Variants in KIAA1328 observed in about 807,000 individuals in gnomAD.
The protein encoded by KIAA1328 is protein hinderin.
A neutral mutation model predicts 68.1 loss-of-function variants in KIAA1328; 52 were observed. That is an observed-to-expected ratio of 0.76 (90% CI 0.61 to 0.96). The LOEUF is 0.96. KIAA1328 is among the 40% of genes least tolerant of loss of function. KIAA1328 has a pLI of 0.00. For synonymous variants in KIAA1328, 232 were observed against 239.4 expected (o/e 0.97, Z 0.28); for missense variants, 641 against 677.6 (o/e 0.95, Z 0.60).
chr18:37,191,715 G>A (rs992638203), intron 9 of KIAA1328, among the ~76,000 whole-genome samples: 38 of 151,938 alleles, frequency 2.5e-4, no homozygotes, highest in African/African-American at 8.2e-4. Context: ...TGTACTAAGT[G>A]GAATCATTAA....
chr18:36,839,223 C>T (rs574773360), intron 3 of KIAA1328, among the ~76,000 whole-genome samples: 16 of 152,188 alleles, frequency 1.1e-4, no homozygotes, highest in Non-Finnish European at 2.1e-4. Context: ...CCTCTCAGCT[C>T]TCTGATCCTC....
chr18:37,109,969 G>T (rs1221956809), intron 7 of KIAA1328, among the ~76,000 whole-genome samples: 1 of 151,730 alleles, frequency 6.6e-6, no homozygotes, highest in Non-Finnish European at 1.5e-5. Flanking sequence ...GTCACACTGT[G>T]GACCAGAGGT....
chr18:37,040,181 T>C (rs1199078323), intron 6 of KIAA1328, among the ~76,000 whole-genome samples: 1 of 152,234 alleles, frequency 6.6e-6, no homozygotes, highest in Middle Eastern at 3.2e-3. Context: ...GATCTTTTTT[T>C]GCCATGTGAT....
intron 6 of KIAA1328, among the ~76,000 whole-genome samples, chr18:37,048,906 C>A: frequency 6.6e-6 from 1 of 152,114 alleles, no homozygotes; most frequent in East Asian, 1.9e-4. Context: ...TTGGTTCTTT[C>A]AATAAATATT....
chr18:37,093,049 T>TA (rs1433619760), intron 7 of KIAA1328, among the ~76,000 whole-genome samples: 2 of 152,126 alleles, frequency 1.3e-5, no homozygotes, highest in Non-Finnish European at 2.9e-5. Flanking sequence ...TGCTGACACT[T>TA]ACAGCTAAAA....
intron 7 of KIAA1328, among the ~76,000 whole-genome samples, chr18:37,107,900 A>T (rs1009612283): frequency 6.6e-6 from 1 of 151,692 alleles, no homozygotes; most frequent in Non-Finnish European, 1.5e-5. Flanking sequence ...AAGCCCGTGG[A>T]GAAAATGGAA....
At chr18:36,889,654 C>A (rs910039158) in intron 5 of KIAA1328, among the ~76,000 whole-genome samples, 13 of 152,194 alleles carry the variant, frequency 8.5e-5, no homozygotes, top group Admixed American at 7.2e-4. Context: ...AAAATGCCTT[C>A]TTTGCAGGCC....
intron 6 of KIAA1328, among the ~76,000 whole-genome samples, chr18:36,998,124 C>T (rs2053460582): frequency 6.6e-6 from 1 of 152,150 alleles, no homozygotes; most frequent in Non-Finnish European, 1.5e-5. Flanking sequence ...TATAAGCCCA[C>T]CCAGCTCAAC....
intron 4 of KIAA1328, among the ~76,000 whole-genome samples, chr18:36,861,835 AT>A (rs200105865): frequency 1.3e-5 from 2 of 151,138 alleles, no homozygotes; most frequent in African/African-American, 4.9e-5. Flanking sequence ...CACTCAACTA[AT>A]TTTTTTTTCT....
At chr18:36,915,118 A>G (rs59296673) in intron 5 of KIAA1328, among the ~76,000 whole-genome samples, 23,483 of 152,174 alleles carry the variant, frequency 0.15, 1,938 homozygotes, top group African/African-American at 0.2. Context: ...TAGAAAACTC[A>G]CACTAACCAA....
At chr18:37,184,125 T>C (rs370745565) in intron 9 of KIAA1328, among the ~76,000 whole-genome samples, 5 of 152,254 alleles carry the variant, frequency 3.3e-5, no homozygotes, top group African/African-American at 1.2e-4. Context: ...TCTTTTTAAC[T>C]TACCAGTTCA....
intron 4 of KIAA1328, among the ~76,000 whole-genome samples, chr18:36,865,591 C>T (rs979814318): frequency 9.9e-5 from 15 of 151,534 alleles, no homozygotes; most frequent in African/African-American, 3.6e-4. Flanking sequence ...GTTTAGTAAT[C>T]CTGTATGTAA....
At chr18:37,184,662 A>G (rs933585014) in intron 9 of KIAA1328, among the ~76,000 whole-genome samples, 13 of 152,148 alleles carry the variant, frequency 8.5e-5, no homozygotes, top group African/African-American at 2.9e-4. Flanking sequence ...GTCCCTTCAC[A>G]TGGAACCTAA....
At position 36,829,155 on chromosome 18, in the gene KIAA1328, G is replaced by T. The variant is rs1410114306; in HGVS notation, c.17G>T (p.Gly6Val). The change falls in exon 1 of 10, where the codon GGC (glycine) becomes GTC (valine). Residue 6 changes from glycine to valine, a missense_variant. Transcript: ENST00000280020. ...TGTTTCAAGATGGCGGACGTGGCGG[G>T]CCCCTCCCGCCCCAGTGCCGCGGCG... is the stretch of plus-strand genomic sequence containing the variant. MADVA[G>V]PSRPSAAAFW... 4.6e-6 allele frequency: 7 copies of T among 1,532,934 alleles called. No homozygotes were observed. Among genetic ancestry groups the T allele is most frequent in the Middle Eastern group, 1.8e-4 (1 of 5,518 alleles). The allele number at this position is 1,532,934 out of a possible 1,614,324, so 95.0% of individuals were successfully genotyped here. A position where few individuals can be genotyped will look rare whatever the true frequency, so the allele number is the denominator to read the frequency against.
intron 6 of KIAA1328, among the ~76,000 whole-genome samples, chr18:37,058,485 G>A (rs1421057211): frequency 6.6e-6 from 1 of 152,174 alleles, no homozygotes; most frequent in Admixed American, 6.5e-5. Context: ...GGCCAAGGCA[G>A]GTGGGTTGCC....
chr18:37,064,204 G>A (rs1568356064), intron 6 of KIAA1328, among the ~76,000 whole-genome samples: 1 of 152,126 alleles, frequency 6.6e-6, no homozygotes, highest in Non-Finnish European at 1.5e-5. Context: ...GTTCTTTGAA[G>A]AAGAGCAAGT....
intron 6 of KIAA1328, among the ~76,000 whole-genome samples, chr18:37,057,923 G>A (rs1379920599): frequency 7.9e-5 from 12 of 152,136 alleles, no homozygotes; most frequent in African/African-American, 1.9e-4. Context: ...AAAGTTTGCC[G>A]ACCTTGTCGT....
At chr18:37,173,181 T>A in intron 9 of KIAA1328, 100 bp downstream of exon 9, 1 of 851,772 alleles carries the variant, frequency 1.2e-6, no homozygotes, top group Non-Finnish European at 1.8e-6. Context: ...CAACTCTTAG[T>A]AATTCTTTCT....
rs757695401 is a variant in KIAA1328, at chr18:37,222,500, C to T, written c.*273C>T. On this transcript the variant is annotated 3_prime_UTR_variant, in exon 10 of 10. Coordinates refer to ENST00000280020, the MANE Select transcript of KIAA1328 (RefSeq NM_020776.3). ...GAAAATTAACATAGGATACTTTCTGCGTGGTGGAAACCATTGCATATTCAG... is the reference window on the plus strand; with the variant it reads ...GAAAATTAACATAGGATACTTTCTGTGTGGTGGAAACCATTGCATATTCAG... The T allele has an allele frequency of 3.6e-5, 44 of 1,238,810 alleles. No individual in the cohort carries two copies. The highest frequency in any genetic ancestry group is 4.1e-5 in the Non-Finnish European group (40 of 983,546). 76.7% of individuals were successfully genotyped at this position (1,238,810 alleles called of 1,614,324 possible).
Sources: gnomAD v4.1 joint callset for allele counts (sites outside exome capture counted in the v4.1 genomes callset) on GRCh38, gnomAD v4.1.1 for gene constraint, MANE v1.5 for transcripts, NCBI Gene and HGNC (gene_info 2026-07-23, HGNC 2026-07-21) for gene names.